The following DSCAM variants were observed in gnomAD, a reference collection of about 807,000 sequenced individuals.
The protein encoded by DSCAM is DS cell adhesion molecule.
Under a neutral mutation model 217.7 loss-of-function variants are expected in DSCAM, and 47 were observed. That is an observed-to-expected ratio of 0.22 (90% CI 0.17 to 0.28). The LOEUF (loss-of-function observed/expected upper bound fraction) is 0.28. DSCAM is among the 10% of genes least tolerant of loss of function. DSCAM has a pLI of 1.00. For missense variants in DSCAM, 2,080 were observed against 2,618.3 expected (o/e 0.79, Z 4.49); for synonymous variants, 1,056 against 1,015.3 (o/e 1.04, Z -0.76).
At chr21:40,131,075 A>T (rs1158984881) in intron 19 of DSCAM, among the ~76,000 whole-genome samples, 1 of 152,216 alleles carries the variant, frequency 6.6e-6, no homozygotes, top group Admixed American at 6.5e-5. Context: ...GTTGGTAATT[A>T]TTATTTTACT....
chr21:40,216,153 TG>T (rs2091241414), intron 11 of DSCAM, among the ~76,000 whole-genome samples: 1 of 152,188 alleles, frequency 6.6e-6, no homozygotes, highest in Non-Finnish European at 1.5e-5. Context: ...TCACCCAGGC[TG>T]GTGTGCAAGA....
At chr21:40,800,118 C>T (rs1287016506) in intron 1 of DSCAM, among the ~76,000 whole-genome samples, 3 of 152,242 alleles carry the variant, frequency 2.0e-5, no homozygotes, top group African/African-American at 2.4e-5. Context: ...ATATGATTCC[C>T]TGCACCACCT....
At chr21:40,194,871 C>T (rs528715938) in intron 11 of DSCAM, among the ~76,000 whole-genome samples, 7 of 152,256 alleles carry the variant, frequency 4.6e-5, no homozygotes, top group African/African-American at 1.7e-4. Flanking sequence ...ATTTATACCA[C>T]TGAAATTGGC....
intron 11 of DSCAM, among the ~76,000 whole-genome samples, chr21:40,202,089 A>G (rs1322776922): frequency 6.6e-6 from 1 of 152,142 alleles, no homozygotes; most frequent in African/African-American, 2.4e-5. Flanking sequence ...GAAGCCTGCC[A>G]TGATATCACC....
At chr21:40,655,883 T>C (rs2090069966) in intron 3 of DSCAM, among the ~76,000 whole-genome samples, 1 of 151,964 alleles carries the variant, frequency 6.6e-6, no homozygotes, top group Non-Finnish European at 1.5e-5. Flanking sequence ...CAAGATCCCA[T>C]CTCTACGAAA....
chr21:40,370,717 C>G (rs995473722), intron 3 of DSCAM, among the ~76,000 whole-genome samples: 1 of 152,022 alleles, frequency 6.6e-6, no homozygotes, highest in Non-Finnish European at 1.5e-5. Context: ...ACCTCCTGAG[C>G]TCAAGCAATC....
At chr21:40,548,258 C>G (rs1274798724) in intron 3 of DSCAM, among the ~76,000 whole-genome samples, 1 of 152,184 alleles carries the variant, frequency 6.6e-6, no homozygotes, top group Admixed American at 6.5e-5. Flanking sequence ...CAGCTTTTAG[C>G]TGAACATCAG....
intron 26 of DSCAM, 129 bp downstream of exon 26, chr21:40,078,558 G>T: frequency 8.0e-7 from 1 of 1,253,784 alleles, no homozygotes; most frequent in Non-Finnish European, 1.1e-6. Flanking sequence ...ATTGAATCCC[G>T]AAAGCCTAAT....
rs187545701 is a variant in DSCAM, at chr21:40,427,335, A to G, written c.509-58090T>C. Among the ~76,000 whole-genome samples the G allele has an allele frequency of 4.7e-3, 721 of 152,082 alleles. 5 individuals carry two copies. Among genetic ancestry groups the G allele is most frequent in the African/African-American group, 0.016 (676 of 41,490 alleles). ...TGACCATGGCCCTCGGCATGAACCC[A>G]TGTGTCCCAGCTGACCATGGCCCTG... On this transcript the variant is annotated intron_variant, in intron 3 of 32. Coordinates refer to ENST00000400454, the MANE Select transcript of DSCAM (RefSeq NM_001389.5).
intron 3 of DSCAM, among the ~76,000 whole-genome samples, chr21:40,669,812 C>T (rs914576053): frequency 6.6e-6 from 1 of 152,090 alleles, no homozygotes; most frequent in Non-Finnish European, 1.5e-5. Context: ...CTCAGGTAAT[C>T]TGCCCGCCTA....
At chr21:40,560,283 GAGA>G (rs2076709999) in intron 3 of DSCAM, among the ~76,000 whole-genome samples, 2 of 152,194 alleles carry the variant, frequency 1.3e-5, no homozygotes, top group South Asian at 4.1e-4. Context: ...GAGTTACCTA[GAGA>G]AGCTCAGACA....
chr21:40,844,093 G>A (rs1056667011), intron 1 of DSCAM, among the ~76,000 whole-genome samples: 1 of 151,844 alleles, frequency 6.6e-6, no homozygotes, highest in Non-Finnish European at 1.5e-5. Flanking sequence ...TCAAAGTTGA[G>A]GTATAACAAA....
At chr21:40,346,400 A>AT (rs1177375316) in intron 6 of DSCAM, among the ~76,000 whole-genome samples, 1 of 152,246 alleles carries the variant, frequency 6.6e-6, no homozygotes, top group African/African-American at 2.4e-5. Flanking sequence ...AATGACAGAA[A>AT]TATGGTCTTA....
Position 40,450,757 on chromosome 21 carries a change from T to A in DSCAM, c.509-81512A>T, listed in dbSNP as rs76784628. 7.9e-3 allele frequency among the ~76,000 whole-genome samples: 1,197 copies of A among 152,336 alleles called. 21 individuals are homozygous for A. Among genetic ancestry groups the A allele is most frequent in the African/African-American group, 0.027 (1,119 of 41,580 alleles). ...TTATCAAAGGTAAGTTTTGTTGTTG[T>A]TGCTGCTTTTTAATGACAGACATTA... On this transcript the variant is annotated intron_variant, in intron 3 of 32. Coordinates refer to ENST00000400454, the MANE Select transcript of DSCAM (RefSeq NM_001389.5).
chr21:40,681,828 G>A (rs1193401786), intron 3 of DSCAM, among the ~76,000 whole-genome samples: 2 of 152,116 alleles, frequency 1.3e-5, no homozygotes, highest in African/African-American at 4.8e-5. Flanking sequence ...GTCACATGTC[G>A]CTAGAGGGAG....
At chr21:40,182,939 GA>G (rs2090844446) in intron 14 of DSCAM, among the ~76,000 whole-genome samples, 1 of 4,378 alleles carries the variant, frequency 2.3e-4, no homozygotes, top group Non-Finnish European at 4.4e-4. Flanking sequence ...CGGGCCACCA[GA>G]GAAACCGTGG....
intron 11 of DSCAM, among the ~76,000 whole-genome samples, chr21:40,210,880 T>C (rs2091175415): frequency 6.6e-6 from 1 of 152,180 alleles, no homozygotes; most frequent in Non-Finnish European, 1.5e-5. Flanking sequence ...CATTTGTGTG[T>C]ATGTGCTCGT....
chr21:40,266,895 G>A (rs2073544881), intron 11 of DSCAM, among the ~76,000 whole-genome samples: 1 of 149,180 alleles, frequency 6.7e-6, no homozygotes, highest in African/African-American at 2.5e-5. Flanking sequence ...GGAACTAGAG[G>A]CCATTATTCT....
At chr21:40,211,178 T>C (rs536177200) in intron 11 of DSCAM, among the ~76,000 whole-genome samples, 64 of 152,362 alleles carry the variant, frequency 4.2e-4, no homozygotes, top group African/African-American at 1.4e-3. Flanking sequence ...ATCTAGGTTA[T>C]TGTGTGTGTC....
Sources: allele counts gnomAD v4.1 joint callset (sites outside exome capture counted in the v4.1 genomes callset), GRCh38; gene constraint gnomAD v4.1.1; transcripts MANE v1.5; gene names NCBI Gene and HGNC (gene_info 2026-07-23, HGNC 2026-07-21).